The following PLAT variants were observed in gnomAD, a reference collection of about 807,000 sequenced individuals.
PLAT encodes tissue-type plasminogen activator.
A neutral mutation model predicts 74.9 loss-of-function variants in PLAT; 48 were observed. That is an observed-to-expected ratio of 0.64 (90% CI 0.51 to 0.82). The LOEUF is 0.82. PLAT is among the 40% of genes least tolerant of loss of function. The pLI is 0.00. For synonymous variants in PLAT, 307 were observed against 294.4 expected (o/e 1.04, Z -0.44); for missense variants, 673 against 736.2 (o/e 0.91, Z 0.99).
intron 13 of PLAT, among the ~76,000 whole-genome samples, chr8:42,176,755 T>C (rs1408399497): frequency 6.6e-6 from 1 of 152,208 alleles, no homozygotes; most frequent in Admixed American, 6.5e-5. Flanking sequence ...ATTCCCTGAA[T>C]TAACCCACCA....
chr8:42,189,554 G>A (rs1805607979), intron 3 of PLAT, among the ~76,000 whole-genome samples: 1 of 151,132 alleles, frequency 6.6e-6, no homozygotes. Flanking sequence ...TCTTTTCTGA[G>A]TGCCATTGAG....
chr8:42,201,176 A>G (rs923690175), intron 1 of PLAT, among the ~76,000 whole-genome samples: 11 of 152,228 alleles, frequency 7.2e-5, no homozygotes, highest in Admixed American at 5.2e-4. Context: ...GCAGAATGCC[A>G]CAAAGAAGGG....
rs1358751529 is a variant in PLAT at position 42,176,159 on chromosome 8, G to C, written c.1531-8C>G. ...GGGGCCTCCCGAATCGCCCTGCAAA[G>C]GAGATAGCAGGTTTGGCGTTTGCAA... is the stretch of plus-strand genomic sequence containing the variant. On this transcript the variant is annotated splice_polypyrimidine_tract_variant and splice_region_variant and intron_variant, in intron 13 of 13. Transcript: ENST00000220809. 4 of 1,609,404 alleles carry C rather than the reference G, an allele frequency of 2.5e-6. No homozygotes were observed. The highest frequency in any genetic ancestry group is 2.5e-6 in the Non-Finnish European group (3 of 1,177,066).
chr8:42,206,464 G>A (rs1321919059), intron 1 of PLAT, among the ~76,000 whole-genome samples: 3 of 152,254 alleles, frequency 2.0e-5, no homozygotes, highest in Middle Eastern at 6.8e-3. Context: ...CCTTTGAGGG[G>A]ACTCCACCTG....
chr8:42,194,857 A>G (rs1324011414), intron 1 of PLAT, among the ~76,000 whole-genome samples: 1 of 146,356 alleles, frequency 6.8e-6, no homozygotes, highest in East Asian at 2.1e-4. Context: ...AGATCCGGCA[A>G]TGTGCATATT....
chr8:42,203,992 T>TATATATATATATATATATATATAC (rs1554499838), intron 1 of PLAT, among the ~76,000 whole-genome samples: 28 of 109,868 alleles, frequency 2.5e-4, no homozygotes, highest in African/African-American at 1.3e-3. Context: ...TATATATATA[T>TATATATATATATATATATATATAC]ACACACACAC....
intron 1 of PLAT, among the ~76,000 whole-genome samples, chr8:42,200,349 G>A (rs372569901): frequency 5.9e-5 from 9 of 151,884 alleles, no homozygotes; most frequent in East Asian, 1.9e-4. Flanking sequence ...GATCACCCTC[G>A]GCAACATAGG....
At position 42,179,959 on chromosome 8, in the gene PLAT, A is replaced by G; in HGVS notation, c.1330T>C (p.Cys444Arg). Residue 444 changes from cysteine to arginine, a missense_variant, in exon 12 of 14, where the codon TGT (cysteine) becomes CGT (arginine). Coordinates refer to ENST00000220809, the MANE Select transcript of PLAT (RefSeq NM_000930.5). ...TGCTTGCCGTAGCCGGAGAGCTCAC[A>G]CTCCGTCCAGTCCGGCAGCTGCAGG... ...ADLQLPDWTE[C>R]ELSGYGKHEA... The G allele has an allele frequency of 6.2e-7, 1 of 1,607,636 alleles. No individual in the cohort carries two copies. The highest frequency in any genetic ancestry group is 8.5e-7 in the Non-Finnish European group (1 of 1,176,672).
At chr8:42,177,429 G>C (rs1209018394) in intron 13 of PLAT, among the ~76,000 whole-genome samples, 1 of 152,184 alleles carries the variant, frequency 6.6e-6, no homozygotes, top group Non-Finnish European at 1.5e-5. Flanking sequence ...GGATTAGGCT[G>C]TATCTATTCT....
chr8:42,183,077 C>A (rs1252755576), intron 7 of PLAT, among the ~76,000 whole-genome samples, 187 bp from the exon 8 acceptor site: 1 of 152,164 alleles, frequency 6.6e-6, no homozygotes, highest in African/African-American at 2.4e-5. Flanking sequence ...GATCTTGGCT[C>A]ACTGCAATCT....
At chr8:42,187,036 TC>T (rs1195991087) in intron 6 of PLAT, 1 of 182,036 alleles carries the variant, frequency 5.5e-6, no homozygotes, top group Non-Finnish European at 1.1e-5. Context: ...CTATCATCTA[TC>T]CATCTATCAT....
chr8:42,187,957 C>A lies in PLAT; in HGVS notation c.313G>T (p.Asp105Tyr). 1 of 1,613,972 alleles carries A rather than the reference C, an allele frequency of 6.2e-7. No individual in the cohort carries two copies. The highest frequency in any genetic ancestry group is 8.5e-7 in the Non-Finnish European group (1 of 1,179,842). Reference sequence around the variant, plus strand: ...CCTTCGGGGCACTGGCACACGAAATCTGAGAAGTACAGGGCCTGCTGGCAG... The same window carrying A: ...CCTTCGGGGCACTGGCACACGAAATATGAGAAGTACAGGGCCTGCTGGCAG... ...GTCQQALYFS[D>Y]FVCQCPEGFA... is the part of the protein sequence containing the mutation. Residue 105 changes from aspartate (D) to tyrosine (Y), a missense_variant, in exon 5 of 14, where the codon GAT (aspartate) becomes TAT (tyrosine). Transcript: ENST00000220809.
At chr8:42,190,203 G>T (rs1587937014) in intron 3 of PLAT, among the ~76,000 whole-genome samples, 1 of 152,104 alleles carries the variant, frequency 6.6e-6, no homozygotes, top group Non-Finnish European at 1.5e-5. Context: ...TAAAGTGCTG[G>T]AGTTACAGAT....
chr8:42,201,859 T>C (rs146926088), intron 1 of PLAT, among the ~76,000 whole-genome samples: 145 of 152,218 alleles, frequency 9.5e-4, no homozygotes, highest in African/African-American at 3.0e-3. Context: ...AATAAGGAAA[T>C]TGGAGCTTCC....
Position 42,193,182 on chromosome 8 carries a change from C to A in PLAT, c.4G>T (p.Asp2Tyr). Residue 2 changes from aspartate (D) to tyrosine (Y), a missense_variant, in exon 2 of 14, where the codon GAT (aspartate) becomes TAT (tyrosine). Physicochemically the swap from Asp to Tyr is radical, Grantham distance 160 (BLOSUM62 -3). Transcript: ENST00000220809. ...CAGCAGAGCCCTCTCTTCATTGCAT[C>A]CATGATTGCTTCACAGCGTCCCTTA... M[D>Y]AMKRGLCCVL... 1 of 1,613,392 alleles carries A rather than the reference C, an allele frequency of 6.2e-7. No homozygotes were observed. Among genetic ancestry groups the A allele is most frequent in the South Asian group, 1.1e-5 (1 of 91,052 alleles).
intron 1 of PLAT, among the ~76,000 whole-genome samples, chr8:42,205,159 C>A (rs1806283241): frequency 6.6e-6 from 1 of 152,248 alleles, no homozygotes; most frequent in Admixed American, 6.5e-5. Flanking sequence ...AAGGACAGAA[C>A]TCAAAGTCAT....
chr8:42,200,133 G>A (rs911869368), intron 1 of PLAT, among the ~76,000 whole-genome samples: 2 of 152,200 alleles, frequency 1.3e-5, no homozygotes, highest in Admixed American at 6.5e-5. Flanking sequence ...ACAGATATTT[G>A]AGTAGCTTCT....
intron 5 of PLAT, 85 bp from the exon 6 acceptor site, chr8:42,187,657 C>T: frequency 7.6e-7 from 1 of 1,312,452 alleles, no homozygotes; most frequent in Non-Finnish European, 1.0e-6. Context: ...GCCCCGTCCT[C>T]CCCCAGGCCT....
chr8:42,180,116 G>A (rs890233299), intron 11 of PLAT, 50 bp from the exon 12 acceptor site: 5 of 1,588,330 alleles, frequency 3.1e-6, no homozygotes, highest in Admixed American at 1.7e-5. Flanking sequence ...GCGTCCCCGG[G>A]AGGGGAGGAA....
Sources: allele counts gnomAD v4.1 joint callset (sites outside exome capture counted in the v4.1 genomes callset), GRCh38; gene constraint gnomAD v4.1.1; transcripts MANE v1.5; gene names NCBI Gene and HGNC (gene_info 2026-07-23, HGNC 2026-07-21).